The following LRP12 variants were observed in gnomAD, a reference collection of about 807,000 sequenced individuals.
The protein encoded by LRP12 is low-density lipoprotein receptor-related protein 12.
In LRP12, 14 loss-of-function variants were observed where a neutral mutation model predicts 66.0. The ratio of observed to expected loss-of-function variants is 0.21; its 90% CI spans 0.14 to 0.33. LRP12 has a LOEUF of 0.33. Ranked by LOEUF, LRP12 falls within the 10% of genes least tolerant of loss-of-function variation. The pLI, the probability that LRP12 is intolerant of heterozygous loss-of-function variation, is 1.00. For missense variants in LRP12, 889 were observed against 1,053.4 expected (o/e 0.84, Z 2.16); for synonymous variants, 357 against 359.1 (o/e 0.99, Z 0.07).
Position 104,509,069 on chromosome 8 carries a change from C to CA in LRP12, c.141dup (p.Gly48TrpfsTer22), listed in dbSNP as rs1564131856. The CA allele has an allele frequency of 6.2e-7, 1 of 1,612,872 alleles. No individual in the cohort carries two copies. Among genetic ancestry groups the CA allele is most frequent in the Non-Finnish European group, 8.5e-7 (1 of 1,179,362 alleles). ...GCTCGTATTTGCTCTGGAGTCTCTCCACAAGCTGGAAGATAGCCAAAGCAA... is the reference window on the plus strand; with the variant it reads ...GCTCGTATTTGCTCTGGAGTCTCTCCAACAAGCTGGAAGATAGCCAAAGCAA... On this transcript the variant is annotated frameshift_variant, in exon 3 of 7. Coordinates refer to ENST00000276654, the MANE Select transcript of LRP12 (RefSeq NM_013437.5). LOFTEE classifies it high-confidence loss of function.
At chr8:104,543,900 C>T (rs4448240) in intron 1 of LRP12, among the ~76,000 whole-genome samples, 3 of 152,112 alleles carry the variant, frequency 2.0e-5, no homozygotes, top group Middle Eastern at 3.4e-3. Flanking sequence ...CAAGCCTGGG[C>T]GACAAAGTGA....
chr8:104,569,738 C>T (rs1231426656), intron 1 of LRP12, among the ~76,000 whole-genome samples: 1 of 151,998 alleles, frequency 6.6e-6, no homozygotes, highest in Non-Finnish European at 1.5e-5. Context: ...AAATACTTTC[C>T]GCCCATGATG....
rs34015353 is a variant in LRP12, at chr8:104,490,223, G to GT, written c.*449dup. 0.067 allele frequency: 9,958 copies of GT among 148,974 alleles called. 377 individuals are homozygous for GT. The highest frequency in any genetic ancestry group is 0.077 in the South Asian group (359 of 4,686). 9.2% of individuals were successfully genotyped at this position (148,974 alleles called of 1,614,324 possible). ...AATGAAAACGCAGGTGAGTATAAGGGTTTTTTTTTTGTACATTAACAACCT... is the reference window on the plus strand; with the variant it reads ...AATGAAAACGCAGGTGAGTATAAGGGTTTTTTTTTTTGTACATTAACAACCT... On this transcript the variant is annotated 3_prime_UTR_variant, in exon 7 of 7. Transcript: ENST00000276654.
At position 104,577,798 on chromosome 8, in the gene LRP12, G is replaced by A. The variant is rs112508272; in HGVS notation, c.79+11021C>T. On this transcript the variant is annotated intron_variant, in intron 1 of 6. Coordinates refer to ENST00000276654, the MANE Select transcript of LRP12 (RefSeq NM_013437.5). ...TGTGCTCCAGCCTGGGTAACAGAAC[G>A]AGACTCCATCTCAAAAAAAAAAAAA... 4.5e-3 allele frequency among the ~76,000 whole-genome samples: 528 copies of A among 117,864 alleles called. 6 individuals carry two copies. The highest frequency in any genetic ancestry group is 0.017 in the African/African-American group (501 of 29,222). 77.3% of individuals were successfully genotyped at this position (117,864 alleles called of 152,430 possible). A position where few individuals can be genotyped will look rare whatever the true frequency, so the allele number is the denominator to read the frequency against.
intron 2 of LRP12, among the ~76,000 whole-genome samples, chr8:104,511,947 A>G (rs1250820815): frequency 1.3e-5 from 2 of 152,044 alleles, no homozygotes; most frequent in East Asian, 1.9e-4. Flanking sequence ...TCTCCCTTAC[A>G]AAAAAGTTTT....
chr8:104,570,206 C>T (rs1173908034), intron 1 of LRP12, among the ~76,000 whole-genome samples: 1 of 152,084 alleles, frequency 6.6e-6, no homozygotes, highest in Non-Finnish European at 1.5e-5. Context: ...ATCAATTCTT[C>T]CTAAAGTAAT....
chr8:104,520,422 A>C (rs577199977), intron 2 of LRP12, among the ~76,000 whole-genome samples: 1 of 152,160 alleles, frequency 6.6e-6, no homozygotes, highest in Non-Finnish European at 1.5e-5. Flanking sequence ...CTCTGGCTGG[A>C]AGCATAAAAA....
chr8:104,528,333 A>T (rs1294744292), intron 2 of LRP12, among the ~76,000 whole-genome samples: 1 of 152,176 alleles, frequency 6.6e-6, no homozygotes, highest in East Asian at 1.9e-4. Context: ...AACAGAAAGC[A>T]AGTCCTGCAT....
chr8:104,516,727 G>A (rs951437057), intron 2 of LRP12, among the ~76,000 whole-genome samples: 2 of 152,032 alleles, frequency 1.3e-5, no homozygotes, highest in Non-Finnish European at 2.9e-5. Context: ...AATTGGCAGT[G>A]CTCAGCCTCT....
rs1344631617 is a variant in LRP12 at position 104,491,462 on chromosome 8, G to A, written c.1791C>T (p.Gly597=). 2 of 1,613,894 alleles carry A rather than the reference G, an allele frequency of 1.2e-6. No individual in the cohort carries two copies. Among genetic ancestry groups the A allele is most frequent in the East Asian group, 2.2e-5 (1 of 44,874 alleles). The change falls in exon 7 of 7, where the codon GGC becomes GGT. Residue 597 remains glycine (G), a synonymous_variant. Coordinates refer to ENST00000276654, the MANE Select transcript of LRP12 (RefSeq NM_013437.5). ...GFTSVRLPMA[G]RSSNIWNRIF... ...TACGGTTCCAAATGTTGCTTGATCT[G>A]CCTGCCATAGGAAGCCTGACTGAAG...
chr8:104,502,176 T>C (rs1280612816), intron 3 of LRP12, among the ~76,000 whole-genome samples: 1 of 152,204 alleles, frequency 6.6e-6, no homozygotes, highest in Non-Finnish European at 1.5e-5. Context: ...GGGGAATTCT[T>C]AGTTTAAGGA....
At chr8:104,582,989 C>T (rs1812277121) in intron 1 of LRP12, among the ~76,000 whole-genome samples, 1 of 152,130 alleles carries the variant, frequency 6.6e-6, no homozygotes, top group Non-Finnish European at 1.5e-5. Context: ...TTCTTTACCT[C>T]TTACGGCAAG....
intron 2 of LRP12, among the ~76,000 whole-genome samples, chr8:104,522,374 T>C (rs1024323711): frequency 4.6e-5 from 7 of 152,124 alleles, no homozygotes; most frequent in South Asian, 2.1e-4. Context: ...ATGATTTTGA[T>C]AGAATAAAAT....
chr8:104,587,930 G>A (rs759299950), intron 1 of LRP12, among the ~76,000 whole-genome samples: 3 of 152,216 alleles, frequency 2.0e-5, no homozygotes, highest in Non-Finnish European at 4.4e-5. Flanking sequence ...ACTAAGAACG[G>A]TGAAGTCAGA....
chr8:104,579,111 C>T (rs1168995299), intron 1 of LRP12, among the ~76,000 whole-genome samples: 2 of 152,012 alleles, frequency 1.3e-5, no homozygotes, highest in African/African-American at 4.8e-5. Context: ...AAATAAAGCG[C>T]ATCTAAATAG....
intron 1 of LRP12, among the ~76,000 whole-genome samples, chr8:104,546,315 A>G (rs913998778): frequency 2.0e-5 from 3 of 152,140 alleles, no homozygotes; most frequent in Non-Finnish European, 4.4e-5. Flanking sequence ...GCGAACAAAT[A>G]TGTCCAGTCA....
chr8:104,497,091 T>A lies in LRP12; in HGVS notation c.1461A>T (p.Val487=). Residue 487 remains valine, a synonymous_variant, in exon 5 of 7, where the codon GTA becomes GTT. Coordinates refer to ENST00000276654, the MANE Select transcript of LRP12 (RefSeq NM_013437.5). This position sits in a 1 kb window ranked among gnomAD's most constrained non-coding sequence, Gnocchi z 4.3. ...GDGSDEENCP[V]IVPTRVITAA... ...CAGTGATGACTCTTGTAGGCACGAT[T>A]ACTGGGCAATTTTCTTCATCGCTGC... 6.2e-7 allele frequency: 1 copy of A among 1,613,676 alleles called. No homozygotes were observed. Among genetic ancestry groups the A allele is most frequent in the South Asian group, 1.1e-5 (1 of 90,972 alleles).
chr8:104,552,412 G>A (rs1315508612), intron 1 of LRP12, among the ~76,000 whole-genome samples: 1 of 148,454 alleles, frequency 6.7e-6, no homozygotes, highest in East Asian at 2.0e-4. Context: ...GTTCATGCCT[G>A]TAATCCCAGC....
intron 1 of LRP12, among the ~76,000 whole-genome samples, chr8:104,563,555 T>A (rs866383181): frequency 6.6e-6 from 1 of 152,140 alleles, no homozygotes; most frequent in Non-Finnish European, 1.5e-5. Flanking sequence ...AATATTTGTA[T>A]CCTTCCCCAA....
Sources: allele counts gnomAD v4.1 joint callset (sites outside exome capture counted in the v4.1 genomes callset), GRCh38; gene constraint gnomAD v4.1.1; non-coding constraint Gnocchi (gnomAD v3.1); transcripts MANE v1.5; gene names NCBI Gene and HGNC (gene_info 2026-07-23, HGNC 2026-07-21).